STK31: variants seen among roughly 807,000 people sequenced by gnomAD.
STK31 encodes serine/threonine kinase 31.
In STK31, 89 loss-of-function variants were observed where a neutral mutation model predicts 129.7. The observed-to-expected ratio is 0.69, with a 90% CI of 0.58 to 0.82. The LOEUF is 0.82. STK31 is among the 40% of genes least tolerant of loss of function. The probability of loss-of-function intolerance (pLI) is 0.00; values close to 1 mark genes in which losing one functional copy is unlikely to be tolerated. For missense variants in STK31, 1,187 were observed against 1,176.4 expected, an observed-to-expected ratio of 1.01 and a Z score of -0.13; for synonymous variants, 448 against 395.3, an observed-to-expected ratio of 1.13 and a Z score of -1.58.
At chr7:23,828,750 T>C (rs911640485) in intron 23 of STK31, among the ~76,000 whole-genome samples, 84 of 152,320 alleles carry the variant, frequency 5.5e-4, no homozygotes, top group African/African-American at 2.0e-3. Flanking sequence ...CCCTGACTTG[T>C]TCTTTTTCAA....
intron 10 of STK31, 34 bp downstream of exon 10, chr7:23,754,508 A>G (rs1284002853): frequency 6.3e-7 from 1 of 1,575,808 alleles, no homozygotes; most frequent in South Asian, 1.2e-5. Flanking sequence ...TGTGGTTTTT[A>G]TCTGTTGAAC....
intron 22 of STK31, among the ~76,000 whole-genome samples, chr7:23,809,728 C>A (rs60065849): frequency 0.098 from 14,949 of 152,206 alleles, 1,049 homozygotes; most frequent in African/African-American, 0.2. Context: ...TTTACCCAGT[C>A]TTCTATCTTT....
At chr7:23,788,807 T>A (rs1791452662) in intron 21 of STK31, among the ~76,000 whole-genome samples, 1 of 152,206 alleles carries the variant, frequency 6.6e-6, no homozygotes, top group African/African-American at 2.4e-5. Flanking sequence ...TTCTAAACAT[T>A]ACAGCTTTAT....
intron 4 of STK31, among the ~76,000 whole-genome samples, chr7:23,719,328 C>T (rs550535452): frequency 4.6e-5 from 7 of 151,996 alleles, no homozygotes; most frequent in African/African-American, 1.7e-4. Flanking sequence ...TATGAAAAAG[C>T]CAATCTTCAA....
chr7:23,819,651 T>C (rs1425263653), intron 23 of STK31, among the ~76,000 whole-genome samples: 1 of 152,164 alleles, frequency 6.6e-6, no homozygotes, highest in Non-Finnish European at 1.5e-5. Flanking sequence ...CTGGCCTCAA[T>C]GATCCACTTG....
intron 22 of STK31, among the ~76,000 whole-genome samples, chr7:23,794,670 A>G (rs1323545804): frequency 6.6e-6 from 1 of 152,152 alleles, no homozygotes; most frequent in Non-Finnish European, 1.5e-5. Context: ...TGATATGGCC[A>G]GTGAAGTCCA....
At chr7:23,741,977 G>A (rs1788079830) in intron 8 of STK31, among the ~76,000 whole-genome samples, 3 of 152,236 alleles carry the variant, frequency 2.0e-5, no homozygotes, top group African/African-American at 7.2e-5. Flanking sequence ...CTGGGATACT[G>A]GGGCACCACC....
chr7:23,807,952 G>T (rs942784713), intron 22 of STK31, among the ~76,000 whole-genome samples: 1 of 151,102 alleles, frequency 6.6e-6, no homozygotes, highest in Admixed American at 6.6e-5. Context: ...AAGTGTGTTT[G>T]TAATTGCTCT....
chr7:23,773,730 T>A (rs1027818703), intron 15 of STK31, among the ~76,000 whole-genome samples: 1 of 95,980 alleles, frequency 1.0e-5, no homozygotes, highest in Non-Finnish European at 2.2e-5. Context: ...TGTGTGTGTG[T>A]GTGAGTGTGT....
At chr7:23,788,924 C>T (rs1403621963) in intron 21 of STK31, among the ~76,000 whole-genome samples, 1 of 152,030 alleles carries the variant, frequency 6.6e-6, no homozygotes. Flanking sequence ...ATTAACATTC[C>T]CAAAAAGAAA....
intron 10 of STK31, among the ~76,000 whole-genome samples, chr7:23,756,980 G>A (rs1428381858): frequency 6.6e-6 from 1 of 152,088 alleles, no homozygotes; most frequent in Non-Finnish European, 1.5e-5. Flanking sequence ...TCCCGGTTTG[G>A]GTATCAGGAT....
chr7:23,827,867 CCT>C (rs1794271781), intron 23 of STK31, among the ~76,000 whole-genome samples: 1 of 152,114 alleles, frequency 6.6e-6, no homozygotes, highest in African/African-American at 2.4e-5. Flanking sequence ...CACTCCAGAC[CCT>C]GTTTGTCTAG....
intron 22 of STK31, chr7:23,811,196 T>TCATC (rs1793111040): frequency 4.6e-6 from 1 of 218,360 alleles, no homozygotes; most frequent in African/African-American, 2.3e-5. Flanking sequence ...TAGGGTCACA[T>TCATC]CATCCTTACA....
Position 23,772,165 on chromosome 7 carries a change from G to T in STK31, c.1852G>T (p.Glu618Ter). 1 of 1,578,640 alleles carries T rather than the reference G, an allele frequency of 6.3e-7. No homozygotes were observed. ...TACTTAGTTTAAAAAGCAGCTTATTGAATATTTAAATAAGAGTCCCAGTGT... is the reference window on the plus strand; with the variant it reads ...TACTTAGTTTAAAAAGCAGCTTATTTAATATTTAAATAAGAGTCCCAGTGT... ...DSIEFKKQLI[E>*]YLNKSPSVDH... The change falls in exon 15 of 24, where the codon GAA becomes TAA. Residue 618 changes from glutamate to a stop codon, truncating the protein, a stop_gained. Transcript: ENST00000355870. LOFTEE classifies it high-confidence loss of function.
chr7:23,798,394 T>A, intron 22 of STK31, among the ~76,000 whole-genome samples: 1 of 149,574 alleles, frequency 6.7e-6, no homozygotes, highest in Non-Finnish European at 1.5e-5. Context: ...TCAAAAAGCT[T>A]ATCCACAACA....
At chr7:23,818,344 G>C (rs1050445854) in intron 23 of STK31, among the ~76,000 whole-genome samples, 2 of 152,028 alleles carry the variant, frequency 1.3e-5, no homozygotes, top group African/African-American at 4.8e-5. Context: ...TAGATACAGA[G>C]GTTAATTAAA....
chr7:23,786,664 A>T (rs773878409), intron 19 of STK31, 31 bp downstream of exon 19: 2 of 1,595,784 alleles, frequency 1.3e-6, no homozygotes, highest in Non-Finnish European at 1.7e-6. Context: ...TCTTGCAGAA[A>T]CCATTTTATC....
chr7:23,713,100 A>G (rs1786079159), intron 3 of STK31, among the ~76,000 whole-genome samples: 1 of 152,194 alleles, frequency 6.6e-6, no homozygotes. Flanking sequence ...GAAATGCATC[A>G]TTAGGCAACT....
intron 16 of STK31, among the ~76,000 whole-genome samples, chr7:23,782,471 C>CA (rs66962254): frequency 0.085 from 7,185 of 84,326 alleles, 326 homozygotes; most frequent in South Asian, 0.13. Flanking sequence ...GACCCTGTCT[C>CA]AAAAAAAAAA....
Sources: allele counts gnomAD v4.1 joint callset (sites outside exome capture counted in the v4.1 genomes callset), GRCh38; gene constraint gnomAD v4.1.1; transcripts MANE v1.5; gene names NCBI Gene and HGNC (gene_info 2026-07-23, HGNC 2026-07-21).